The following GOLGA5 variants were observed in gnomAD, a reference collection of about 807,000 sequenced individuals.
GOLGA5 encodes the protein golgin A5.
A neutral mutation model predicts 93.5 loss-of-function variants in GOLGA5; 50 were observed. That is an observed-to-expected ratio of 0.53 (90% CI 0.43 to 0.68). The LOEUF is 0.68. Among genes scored for constraint, GOLGA5 ranks in the 30% least tolerant of loss-of-function variants. GOLGA5 has a pLI of 0.00. For missense variants in GOLGA5, 760 were observed against 856.4 expected (o/e 0.89, Z 1.40); for synonymous variants, 312 against 304.5 (o/e 1.02, Z -0.26).
In GOLGA5 at chr14:92,839,503, G is replaced by A; in HGVS notation, c.*57G>A. ...CTTTTTCTAGACTTGGGATCTGCAA[G>A]AAGGCCAATTGCCTAAAATTTCTGA... On this transcript the variant is annotated 3_prime_UTR_variant, in exon 13 of 13. Transcript: ENST00000163416. The A allele has an allele frequency of 8.7e-7, 1 of 1,151,278 alleles. No homozygotes were observed. The highest frequency in any genetic ancestry group is 1.2e-5 in the South Asian group (1 of 81,500). 71.3% of individuals were successfully genotyped at this position (1,151,278 alleles called of 1,614,324 possible).
At chr14:92,805,099 C>G (rs945849021) in intron 2 of GOLGA5, among the ~76,000 whole-genome samples, 20 of 152,166 alleles carry the variant, frequency 1.3e-4, no homozygotes, top group African/African-American at 4.6e-4. Flanking sequence ...ACCTGTGTAA[C>G]CCACACCTTT....
intron 9 of GOLGA5, among the ~76,000 whole-genome samples, chr14:92,832,639 A>G (rs1404811959): frequency 6.6e-6 from 1 of 152,252 alleles, no homozygotes; most frequent in Non-Finnish European, 1.5e-5. Context: ...TGAAAATTGC[A>G]GAGCAGAGAT....
chr14:92,816,381 A>C lies in GOLGA5; in HGVS notation c.1451A>C (p.Lys484Thr), dbSNP rs773390037. 6.2e-7 allele frequency: 1 copy of C among 1,614,120 alleles called. No individual in the cohort carries two copies. Among genetic ancestry groups the C allele is most frequent in the South Asian group, 1.1e-5 (1 of 91,074 alleles). ...EKEMQREEIQ[K>T]LMGQIHQLRS... is the part of the protein sequence containing the mutation. ...GAGATGCAGAGGGAGGAAATACAGA[A>C]GCTGATGGGCCAGATACATCAGCTC... The change falls in exon 7 of 13, where the codon AAG becomes ACG. Residue 484 changes from lysine to threonine, a missense_variant. Coordinates refer to ENST00000163416, the MANE Select transcript of GOLGA5 (RefSeq NM_005113.4).
intron 7 of GOLGA5, among the ~76,000 whole-genome samples, chr14:92,816,635 C>T (rs1885215011): frequency 6.6e-6 from 1 of 152,152 alleles, no homozygotes; most frequent in South Asian, 2.1e-4. Context: ...GATCATAGCT[C>T]ACTGCAGCCT....
chr14:92,797,239 C>T (rs2140309781), intron 1 of GOLGA5, among the ~76,000 whole-genome samples, 169 bp from the exon 2 acceptor site: 1 of 152,132 alleles, frequency 6.6e-6, no homozygotes, highest in South Asian at 2.1e-4. Flanking sequence ...CCCCCATTTT[C>T]TAGATAAGAT....
intron 8 of GOLGA5, among the ~76,000 whole-genome samples, chr14:92,823,187 T>G (rs552464874): frequency 6.6e-6 from 1 of 152,140 alleles, no homozygotes; most frequent in Non-Finnish European, 1.5e-5. Context: ...ATATGGCTAC[T>G]TTTTTCCTAG....
At chr14:92,808,590 G>C (rs1885039063) in intron 3 of GOLGA5, among the ~76,000 whole-genome samples, 1 of 151,652 alleles carries the variant, frequency 6.6e-6, no homozygotes. Context: ...AGGTTGCAGT[G>C]AGTCATGGGC....
At chr14:92,799,271 G>A (rs993529954) in intron 2 of GOLGA5, among the ~76,000 whole-genome samples, 7 of 142,522 alleles carry the variant, frequency 4.9e-5, no homozygotes, top group African/African-American at 1.4e-4. Flanking sequence ...TGGCCATAGG[G>A]ATTTTTTTTT....
intron 10 of GOLGA5, among the ~76,000 whole-genome samples, chr14:92,834,300 C>A (rs1180468579): frequency 6.6e-6 from 1 of 151,624 alleles, no homozygotes; most frequent in African/African-American, 2.4e-5. Flanking sequence ...GTGCTGCACC[C>A]ATTAACTCGT....
At chr14:92,832,981 A>C in intron 9 of GOLGA5, 141 bp from the exon 10 acceptor site, 2 of 610,554 alleles carry the variant, frequency 3.3e-6, no homozygotes, top group Non-Finnish European at 5.8e-6. Flanking sequence ...TTTGAAAATC[A>C]CTTTTGTAGA....
chr14:92,837,514 G>C, intron 12 of GOLGA5, 65 bp downstream of exon 12: 1 of 592,458 alleles, frequency 1.7e-6, no homozygotes, highest in Non-Finnish European at 3.0e-6. Context: ...TTTTTTGTTT[G>C]TTTGTTTGTT....
At chr14:92,805,100 C>T (rs1884956983) in intron 2 of GOLGA5, among the ~76,000 whole-genome samples, 1 of 152,124 alleles carries the variant, frequency 6.6e-6, no homozygotes, top group African/African-American at 2.4e-5. Flanking sequence ...CCTGTGTAAC[C>T]CACACCTTTA....
chr14:92,804,586 C>T (rs1282426994), intron 2 of GOLGA5, among the ~76,000 whole-genome samples: 1 of 151,500 alleles, frequency 6.6e-6, no homozygotes, highest in Non-Finnish European at 1.5e-5. Flanking sequence ...ATTTCATTTT[C>T]TTACTCTAAA....
intron 1 of GOLGA5, among the ~76,000 whole-genome samples, chr14:92,794,896 C>CTT (rs1463447943): frequency 1.3e-5 from 2 of 151,342 alleles, no homozygotes; most frequent in Non-Finnish European, 2.9e-5. Flanking sequence ...CCCACGCACT[C>CTT]TCTGCCCCTG....
chr14:92,798,952 A>G (rs1017252459), intron 2 of GOLGA5, among the ~76,000 whole-genome samples: 1 of 152,134 alleles, frequency 6.6e-6, no homozygotes, highest in African/African-American at 2.4e-5. Flanking sequence ...AAAACTTGAT[A>G]GTAGGTTCTT....
intron 9 of GOLGA5, among the ~76,000 whole-genome samples, chr14:92,826,925 G>A (rs1369065459): frequency 9.2e-5 from 14 of 152,050 alleles, no homozygotes; most frequent in East Asian, 1.9e-4. Context: ...TACAAAAAGC[G>A]CTAACTGTAG....
At chr14:92,805,476 CAAATGTTTTCATT>C (rs1884965260) in intron 2 of GOLGA5, among the ~76,000 whole-genome samples, 1 of 151,994 alleles carries the variant, frequency 6.6e-6, no homozygotes, top group East Asian at 1.9e-4. Context: ...TTTTTGTGGG[CAAATGTTTTCATT>C]TCTCTTGTAT....
intron 2 of GOLGA5, among the ~76,000 whole-genome samples, chr14:92,801,735 CTTTTTTT>C (rs11388778): frequency 7.0e-6 from 1 of 143,258 alleles, no homozygotes; most frequent in East Asian, 2.0e-4. Context: ...TTCCCTTTTT[CTTTTTTT>C]TTTTTTTGCC....
intron 8 of GOLGA5, 132 bp downstream of exon 8, chr14:92,819,968 TC>T: frequency 1.3e-6 from 1 of 777,334 alleles, no homozygotes; most frequent in Non-Finnish European, 2.1e-6. Flanking sequence ...CCTCCTGCCT[TC>T]CCATCTCATC....
Sources: allele counts gnomAD v4.1 joint callset (sites outside exome capture counted in the v4.1 genomes callset), GRCh38; gene constraint gnomAD v4.1.1; transcripts MANE v1.5; gene names NCBI Gene and HGNC (gene_info 2026-07-23, HGNC 2026-07-21).